Variants in GLIS3 observed in about 807,000 individuals in gnomAD.
GLIS3 encodes zinc finger protein GLIS3.
GLIS3 carries 53 observed loss-of-function variants against 78.6 expected under a neutral mutation model. The ratio of observed to expected loss-of-function variants is 0.67; its 90% confidence interval spans 0.54 to 0.85. GLIS3 has a LOEUF of 0.85. Among genes scored for constraint, GLIS3 ranks in the 40% least tolerant of loss-of-function variants. The pLI is 0.00. For missense variants in GLIS3, 1,703 were observed against 1,231.1 expected (o/e 1.38, Z -5.74); for synonymous variants, 684 against 509.9 (o/e 1.34, Z -4.60).
chr9:4,198,245 C>G (rs1397329087), intron 2 of GLIS3, among the ~76,000 whole-genome samples: 1 of 152,058 alleles, frequency 6.6e-6, no homozygotes, highest in Non-Finnish European at 1.5e-5. Flanking sequence ...GAAAAAGCAA[C>G]ACAAAGAAAC....
intron 4 of GLIS3, among the ~76,000 whole-genome samples, chr9:4,101,517 C>G (rs1236978796): frequency 6.6e-6 from 1 of 152,024 alleles, no homozygotes; most frequent in African/African-American, 2.4e-5. Flanking sequence ...CAAAATATCC[C>G]AAAACTCAGT....
chr9:3,927,804 C>T (rs622951), intron 6 of GLIS3, among the ~76,000 whole-genome samples: 126,277 of 152,042 alleles, frequency 0.83, 53,152 homozygotes, highest in Middle Eastern at 0.9. Flanking sequence ...CATATTGGGT[C>T]TACCTAAAAG....
At chr9:4,322,442 G>A (rs938355803) in intron 2 of GLIS3, among the ~76,000 whole-genome samples, 6 of 152,112 alleles carry the variant, frequency 3.9e-5, no homozygotes, top group African/African-American at 1.2e-4. Flanking sequence ...GGGTCAAATG[G>A]TATTTCTAGT....
chr9:4,078,060 C>T (rs921045508), intron 4 of GLIS3, among the ~76,000 whole-genome samples: 2 of 152,248 alleles, frequency 1.3e-5, no homozygotes, highest in South Asian at 4.1e-4. Context: ...CCAGTCTCTT[C>T]ATTGGACCCT....
chr9:3,887,940 TCTC>T (rs1822186122), intron 7 of GLIS3, among the ~76,000 whole-genome samples: 1 of 152,116 alleles, frequency 6.6e-6, no homozygotes, highest in Non-Finnish European at 1.5e-5. Context: ...TAACCTCAAA[TCTC>T]CTACCTTTTC....
intron 4 of GLIS3, among the ~76,000 whole-genome samples, chr9:4,066,467 G>A (rs953542616): frequency 6.6e-6 from 1 of 152,158 alleles, no homozygotes; most frequent in Non-Finnish European, 1.5e-5. Context: ...TACCAGCCCA[G>A]AGGAGAAGCT....
intron 6 of GLIS3, among the ~76,000 whole-genome samples, chr9:3,912,867 G>A (rs1824245631): frequency 6.6e-6 from 1 of 152,172 alleles, no homozygotes; most frequent in South Asian, 2.1e-4. Flanking sequence ...ATGGAGTTGT[G>A]AAGACTCAAA....
At chr9:4,292,008 G>T (rs1425135104) in intron 1 of GLIS3, among the ~76,000 whole-genome samples, 2 of 152,020 alleles carry the variant, frequency 1.3e-5, no homozygotes, top group Non-Finnish European at 2.9e-5. Context: ...GAAAATTAGG[G>T]GTTTTCTTGG....
At chr9:4,337,163 G>C (rs141050470) in intron 2 of GLIS3, among the ~76,000 whole-genome samples, 214 of 152,274 alleles carry the variant, frequency 1.4e-3, no homozygotes, top group South Asian at 7.3e-3. Flanking sequence ...GCAACACATA[G>C]AATCATTAAA....
intron 2 of GLIS3, among the ~76,000 whole-genome samples, chr9:4,164,707 C>G (rs1835748652): frequency 6.6e-6 from 1 of 152,128 alleles, no homozygotes; most frequent in South Asian, 2.1e-4. Context: ...ATCCCATGAG[C>G]ATGCAACAAA....
chr9:4,209,372 G>A (rs1437315720), intron 2 of GLIS3, among the ~76,000 whole-genome samples: 1 of 152,092 alleles, frequency 6.6e-6, no homozygotes, highest in Non-Finnish European at 1.5e-5. Context: ...GCATGTTACT[G>A]GCATTCATGG....
chr9:4,205,301 G>A (rs1270390232), intron 2 of GLIS3, among the ~76,000 whole-genome samples: 2 of 151,850 alleles, frequency 1.3e-5, no homozygotes, highest in South Asian at 2.1e-4. Context: ...TTCCCCACTT[G>A]TAGTCATGTG....
intron 9 of GLIS3, among the ~76,000 whole-genome samples, chr9:3,842,894 C>G (rs1818808342): frequency 1.3e-5 from 2 of 152,230 alleles, no homozygotes; most frequent in Non-Finnish European, 2.9e-5. Flanking sequence ...ATGGGCATCT[C>G]TTCCCCTTGG....
At chr9:3,901,948 G>T (rs965143853) in intron 6 of GLIS3, among the ~76,000 whole-genome samples, 1 of 152,150 alleles carries the variant, frequency 6.6e-6, no homozygotes, top group Non-Finnish European at 1.5e-5. Context: ...AATATGATCT[G>T]GGGTCCACAT....
intron 2 of GLIS3, among the ~76,000 whole-genome samples, chr9:4,135,298 A>G (rs1184035142): frequency 6.6e-6 from 1 of 152,206 alleles, no homozygotes; most frequent in Non-Finnish European, 1.5e-5. Flanking sequence ...AGTTATAAAA[A>G]GAAAAAGCTC....
At chr9:4,056,042 CCT>C (rs1320747456) in intron 4 of GLIS3, among the ~76,000 whole-genome samples, 1 of 152,120 alleles carries the variant, frequency 6.6e-6, no homozygotes, top group Non-Finnish European at 1.5e-5. Context: ...AATACTAGGC[CCT>C]GTTTAGTTCC....
At chr9:4,065,028 G>T (rs1826976135) in intron 4 of GLIS3, among the ~76,000 whole-genome samples, 1 of 152,092 alleles carries the variant, frequency 6.6e-6, no homozygotes, top group South Asian at 2.1e-4. Flanking sequence ...TTTAGAAAAG[G>T]GAAAAAGTTG....
At chr9:4,438,537 T>C in the GLIS3 span, among the ~76,000 whole-genome samples, 2 of 152,124 alleles carry the variant, frequency 1.3e-5, no homozygotes, top group Non-Finnish European at 2.9e-5. Context: ...TCAGAAGAAA[T>C]AGCTTATCCT....
intron 2 of GLIS3, among the ~76,000 whole-genome samples, chr9:4,338,783 A>G (rs567588171): frequency 2.0e-5 from 3 of 152,306 alleles, no homozygotes; most frequent in South Asian, 4.1e-4. Flanking sequence ...CTCATATTGT[A>G]TCACCTAAGG....
Sources: allele counts gnomAD v4.1 joint callset (sites outside exome capture counted in the v4.1 genomes callset), GRCh38; gene constraint gnomAD v4.1.1; transcripts MANE v1.5; gene names NCBI Gene and HGNC (gene_info 2026-07-23, HGNC 2026-07-21).